Variants in RASGRF2 observed in about 807,000 individuals in gnomAD.
RASGRF2 encodes ras-specific guanine nucleotide-releasing factor 2.
A neutral mutation model predicts 151.0 loss-of-function variants in RASGRF2; 76 were observed. The ratio of observed to expected loss-of-function variants is 0.50; its 90% CI spans 0.42 to 0.61. The LOEUF is 0.61. Ranked by LOEUF, RASGRF2 falls within the 20% of genes least tolerant of loss-of-function variation. The pLI, the probability that RASGRF2 is intolerant of heterozygous loss-of-function variation, is 0.00. For missense variants in RASGRF2, 1,148 were observed against 1,564.6 expected (o/e 0.73, Z 4.49); for synonymous variants, 504 against 566.5 (o/e 0.89, Z 1.57).
chr5:80,977,697 T>C (rs1226482863), intron 1 of RASGRF2, among the ~76,000 whole-genome samples: 1 of 152,188 alleles, frequency 6.6e-6, no homozygotes, highest in African/African-American at 2.4e-5. Context: ...CCTCAGGTGA[T>C]CCGCCTGCTT....
At chr5:81,112,334 T>A (rs1036108456) in intron 13 of RASGRF2, among the ~76,000 whole-genome samples, 2 of 152,176 alleles carry the variant, frequency 1.3e-5, no homozygotes, top group Non-Finnish European at 2.9e-5. Flanking sequence ...AATCTAGAGA[T>A]GATTTAAAGT....
chr5:81,172,507 TCTCAGGTTAAC>T (rs1368784446), intron 17 of RASGRF2, among the ~76,000 whole-genome samples: 6 of 151,252 alleles, frequency 4.0e-5, no homozygotes, highest in Non-Finnish European at 5.9e-5. Context: ...TTAGAGAAAA[TCTCAGGTTAAC>T]CTGAGTAAGG....
intron 17 of RASGRF2, among the ~76,000 whole-genome samples, chr5:81,172,623 A>G (rs1754684161): frequency 6.6e-6 from 1 of 152,212 alleles, no homozygotes. Flanking sequence ...TCATTGCCTC[A>G]TTAGCATCTT....
intron 1 of RASGRF2, among the ~76,000 whole-genome samples, chr5:81,031,880 C>A (rs1750264392): frequency 6.6e-6 from 1 of 151,864 alleles, no homozygotes; most frequent in South Asian, 2.1e-4. Context: ...TTGAAAAGAT[C>A]AACAAAATTG....
chr5:81,045,073 G>C (rs1750795179), intron 2 of RASGRF2, among the ~76,000 whole-genome samples: 1 of 152,046 alleles, frequency 6.6e-6, no homozygotes, highest in Non-Finnish European at 1.5e-5. Context: ...TCTGTTTGAG[G>C]GTTTTGATCC....
At position 81,067,545 on chromosome 5, in the gene RASGRF2, T is replaced by C. The variant is rs145498176; in HGVS notation, c.396-487T>C. 9.8e-4 allele frequency among the ~76,000 whole-genome samples: 149 copies of C among 152,332 alleles called. 3 individuals are homozygous for C. The East Asian group carries it at 0.024, about 25-fold the overall frequency. ...AGAGCCCAACAGAGTTGGTAGTCAC[T>C]AATACAGACATAATAGATTTTTTCC... is the stretch of plus-strand genomic sequence containing the variant. On this transcript the variant is annotated intron_variant, in intron 2 of 26. Transcript: ENST00000265080.
rs1205302862 is a variant in RASGRF2 at position 81,035,013 on chromosome 5, T to G, written c.289-7864T>G. Among the ~76,000 whole-genome samples, 3 of 152,154 alleles carry G rather than the reference T, an allele frequency of 2.0e-5. No individual in the cohort carries two copies. The East Asian group carries it at 5.8e-4, about 29-fold the overall frequency. Reference sequence around the variant, plus strand: ...GGATGTGGAGAAATAGAAACACTTTTACACTGTTGGTGGGACTGTAAACTA... The same window carrying G: ...GGATGTGGAGAAATAGAAACACTTTGACACTGTTGGTGGGACTGTAAACTA... On this transcript the variant is annotated intron_variant, in intron 1 of 26. Transcript: ENST00000265080.
intron 18 of RASGRF2, among the ~76,000 whole-genome samples, chr5:81,188,436 C>T (rs1385438629): frequency 6.6e-6 from 1 of 152,090 alleles, no homozygotes; most frequent in Non-Finnish European, 1.5e-5. Context: ...GCAAGGAGGA[C>T]GAACCATTGA....
At chr5:81,115,103 C>T (rs1016551870) in intron 15 of RASGRF2, among the ~76,000 whole-genome samples, 7 of 152,088 alleles carry the variant, frequency 4.6e-5, no homozygotes, top group East Asian at 1.9e-4. Context: ...ATAAATCAGA[C>T]AAAGTGTCCA....
chr5:81,200,008 C>T (rs904264825), intron 18 of RASGRF2, among the ~76,000 whole-genome samples: 3 of 151,356 alleles, frequency 2.0e-5, no homozygotes, highest in Non-Finnish European at 4.4e-5. Context: ...CAGTGGCTCA[C>T]GGTCGTAATC....
Position 81,160,586 on chromosome 5 carries a change from C to T in RASGRF2, c.2687-19589C>T, listed in dbSNP as rs539995180. Among the ~76,000 whole-genome samples, 410 of 150,632 alleles carry T rather than the reference C, an allele frequency of 2.7e-3. 2 individuals carry two copies. Among genetic ancestry groups the T allele is most frequent in the African/African-American group, 9.8e-3 (402 of 40,980 alleles). ...ACTCAGGAGGCTGAGGCAGGGGAAT[C>T]GCTTGAACCTGGGAGGCGGAGGTTG... On this transcript the variant is annotated intron_variant, in intron 17 of 26. Coordinates refer to ENST00000265080, the MANE Select transcript of RASGRF2 (RefSeq NM_006909.3).
intron 19 of RASGRF2, among the ~76,000 whole-genome samples, chr5:81,203,710 T>C (rs1160369857): frequency 6.6e-6 from 1 of 152,200 alleles, no homozygotes; most frequent in African/African-American, 2.4e-5. Context: ...CAAACCTGTT[T>C]CCTCATTTAT....
intron 5 of RASGRF2, 87 bp downstream of exon 5, chr5:81,073,539 C>T (rs1263168379): frequency 7.3e-7 from 1 of 1,370,552 alleles, no homozygotes; most frequent in East Asian, 2.4e-5. Context: ...AAAAGGGTCT[C>T]ATAAATTCAT....
At chr5:81,208,313 TAA>T in intron 21 of RASGRF2, 39 bp from the exon 22 acceptor site, 1 of 1,550,218 alleles carries the variant, frequency 6.5e-7, no homozygotes, top group Non-Finnish European at 8.9e-7. Flanking sequence ...ACCATATTTT[TAA>T]AAACTTAATT....
At chr5:81,141,910 A>G (rs1194460551) in intron 17 of RASGRF2, among the ~76,000 whole-genome samples, 1 of 152,192 alleles carries the variant, frequency 6.6e-6, no homozygotes, top group Non-Finnish European at 1.5e-5. Context: ...TGAGAATTGG[A>G]TTAAATTTGC....
chr5:81,222,717 T>G (rs140605072), intron 26 of RASGRF2, among the ~76,000 whole-genome samples: 177 of 152,334 alleles, frequency 1.2e-3, no homozygotes, highest in African/African-American at 4.1e-3. Flanking sequence ...GTTTCTTGAA[T>G]TAGTTAATTC....
chr5:81,023,752 A>C (rs139802679), intron 1 of RASGRF2, among the ~76,000 whole-genome samples: 3 of 152,296 alleles, frequency 2.0e-5, no homozygotes, highest in African/African-American at 4.8e-5. Context: ...GCTGCTGTTA[A>C]GGTGCAGGCT....
chr5:81,064,524 T>A (rs762517722), intron 2 of RASGRF2, among the ~76,000 whole-genome samples: 1 of 152,162 alleles, frequency 6.6e-6, no homozygotes, highest in Non-Finnish European at 1.5e-5. Flanking sequence ...TAGGGGGCCA[T>A]CTTAGATGCT....
intron 2 of RASGRF2, among the ~76,000 whole-genome samples, chr5:81,056,459 G>C (rs1027535817): frequency 1.1e-4 from 17 of 152,308 alleles, no homozygotes; most frequent in Non-Finnish European, 2.4e-4. Flanking sequence ...TCTTAATCCT[G>C]AGTTCTCGTT....
Sources: gnomAD v4.1 joint callset for allele counts (sites outside exome capture counted in the v4.1 genomes callset) on GRCh38, gnomAD v4.1.1 for gene constraint, MANE v1.5 for transcripts, NCBI Gene and HGNC (gene_info 2026-07-23, HGNC 2026-07-21) for gene names.